Variants in AGAP6 observed in about 807,000 individuals in gnomAD.
The protein encoded by AGAP6 is arf-GAP with GTPase, ANK repeat and PH domain-containing protein 6.
A neutral mutation model predicts 63.9 loss-of-function variants in AGAP6; 29 were observed. The observed-to-expected ratio is 0.45, with a 90% CI of 0.34 to 0.62. The LOEUF is 0.62. Ranked by LOEUF, AGAP6 falls within the 20% of genes least tolerant of loss-of-function variation. The probability of loss-of-function intolerance (pLI) is 0.01; values close to 1 mark genes in which losing one functional copy is unlikely to be tolerated. For synonymous variants in AGAP6, 199 were observed against 332.9 expected (o/e 0.60, Z 4.38); for missense variants, 493 against 884.9 (o/e 0.56, Z 5.62).
intron 3 of AGAP6, 73 bp from the exon 4 acceptor site, chr10:49,994,322 T>C: frequency 1.4e-6 from 2 of 1,423,986 alleles, no homozygotes; most frequent in Non-Finnish European, 9.4e-7. Context: ...GAGTAATCAG[T>C]AAGATGTTAA....
intron 5 of AGAP6, among the ~76,000 whole-genome samples, chr10:50,004,069 C>G (rs1215007405): frequency 6.6e-6 from 1 of 152,132 alleles, no homozygotes; most frequent in Non-Finnish European, 1.5e-5. Flanking sequence ...CCTGTAATCC[C>G]AGCCACTTGG....
rs190636033 is a variant in AGAP6 at position 50,005,687 on chromosome 10, G to A, written c.533+967G>A. ...TGTAATCCCAGCATTTTGGGAGGCC[G>A]AGGTGGGTGGATCACTTGAGGTCAG... On this transcript the variant is annotated intron_variant, in intron 6 of 7. Transcript: ENST00000412531. 4.2e-3 allele frequency among the ~76,000 whole-genome samples: 642 copies of A among 151,808 alleles called. 1 individual carries two copies. The highest frequency in any genetic ancestry group is 8.3e-3 in the Admixed American group (127 of 15,236).
chr10:49,996,418 T>A (rs1446702764), intron 4 of AGAP6, among the ~76,000 whole-genome samples: 2 of 152,170 alleles, frequency 1.3e-5, no homozygotes, highest in East Asian at 3.8e-4. Context: ...GAAGCCTGAC[T>A]AGCTTTTCAT....
At chr10:50,003,964 A>T (rs1437548499) in intron 5 of AGAP6, among the ~76,000 whole-genome samples, 1 of 152,212 alleles carries the variant, frequency 6.6e-6, no homozygotes, top group South Asian at 2.1e-4. Flanking sequence ...AAAAAGTGCT[A>T]ATATTGTGTA....
rs782296974 is a variant in AGAP6 at position 49,991,778 on chromosome 10, G to T, written c.361+34G>T. On this transcript the variant is annotated intron_variant, in intron 3 of 7. Coordinates refer to ENST00000412531, the MANE Select transcript of AGAP6 (RefSeq NM_001077665.3). The stretch of plus-strand genomic sequence containing the variant: ...ACATTGTCTTTTCCACCAAGAGAAA[G>T]AATAAAAGCTCTTGTTTGATCAGGT... The T allele has an allele frequency of 4.4e-6, 7 of 1,597,378 alleles. No homozygotes were observed. In the East Asian group the frequency reaches 1.6e-4, roughly 36 times the overall value.
intron 2 of AGAP6, 97 bp from the exon 3 acceptor site, chr10:49,991,579 A>G (rs1247599074): frequency 6.7e-7 from 1 of 1,487,422 alleles, no homozygotes; most frequent in East Asian, 2.3e-5. Context: ...CAAAGTAGAG[A>G]TAGTGAAATA....
chr10:49,999,021 T>G (rs1305392999), intron 4 of AGAP6, among the ~76,000 whole-genome samples: 4 of 140,410 alleles, frequency 2.8e-5, no homozygotes, highest in Non-Finnish European at 6.0e-5. Flanking sequence ...AGACGGATCA[T>G]GAGGTCAGGA....
At chr10:50,005,955 C>T (rs550209172) in intron 6 of AGAP6, among the ~76,000 whole-genome samples, 2 of 148,884 alleles carry the variant, frequency 1.3e-5, no homozygotes, top group Admixed American at 6.7e-5. Context: ...ATGACCTAAC[C>T]TCATGCAAAT....
intron 5 of AGAP6, among the ~76,000 whole-genome samples, chr10:50,003,981 T>G (rs1841806797): frequency 6.6e-6 from 1 of 152,194 alleles, no homozygotes. Context: ...TGTAGACCTA[T>G]TAGTAGAATT....
Position 50,008,056 on chromosome 10 carries a change from G to T in AGAP6, c.565G>T (p.Glu189Ter). 6.2e-7 allele frequency: 1 copy of T among 1,611,946 alleles called. No homozygotes were observed. ...DADRTLSIPDEQLHSFAVSTV... is the reference protein window; with the variant it reads ...DADRTLSIPD Reference sequence around the variant, plus strand: ...AGATAGAACTTTGAGCATACCTGATGAACAGTTACACTCATTTGCGGTAAG... The same window carrying T: ...AGATAGAACTTTGAGCATACCTGATTAACAGTTACACTCATTTGCGGTAAG... The change falls in exon 7 of 8, where the codon GAA (glutamate) becomes TAA (stop). Residue 189 changes from glutamate to a stop codon, truncating the protein, a stop_gained. Transcript: ENST00000412531. LOFTEE classifies it high-confidence loss of function.
At position 49,990,473 on chromosome 10, in the gene AGAP6, G is replaced by A. The variant is rs533408675; in HGVS notation, c.292+1097G>A. On this transcript the variant is annotated intron_variant, in intron 2 of 7. Coordinates refer to ENST00000412531, the MANE Select transcript of AGAP6 (RefSeq NM_001077665.3). The stretch of plus-strand genomic sequence containing the variant: ...AAAATAAAAAGGAAAGAAAGTTGGA[G>A]TTTTTTAGTCTCTATGCTGTTGGCA... Among the ~76,000 whole-genome samples, 17 of 152,286 alleles carry A rather than the reference G, an allele frequency of 1.1e-4. No individual in the cohort carries two copies. In the South Asian group the frequency reaches 3.1e-3, roughly 28 times the overall value.
chr10:49,994,289 G>T, intron 3 of AGAP6, 106 bp from the exon 4 acceptor site: 1 of 1,212,922 alleles, frequency 8.2e-7, no homozygotes, highest in Admixed American at 2.9e-5. Flanking sequence ...TTTTTAAATG[G>T]AATTTTGTCT....
chr10:49,995,529 T>C (rs554930795), intron 4 of AGAP6, among the ~76,000 whole-genome samples: 3 of 152,232 alleles, frequency 2.0e-5, no homozygotes, highest in Non-Finnish European at 4.4e-5. Context: ...CATCTGTTTC[T>C]TTTTATGTGT....
intron 2 of AGAP6, among the ~76,000 whole-genome samples, chr10:49,991,384 G>T (rs1416751056): frequency 1.1e-3 from 121 of 113,964 alleles, no homozygotes; most frequent in East Asian, 2.1e-3. Flanking sequence ...TACCTCTTCT[G>T]TTTTTTTTTT....
chr10:50,004,185 AC>A (rs1841816585), intron 5 of AGAP6, among the ~76,000 whole-genome samples: 1 of 79,088 alleles, frequency 1.3e-5, no homozygotes, highest in African/African-American at 5.0e-5. Context: ...AACTCCACCC[AC>A]CCCACCCCCC....
At chr10:50,005,621 C>CA (rs1241965757) in intron 6 of AGAP6, among the ~76,000 whole-genome samples, 1 of 149,032 alleles carries the variant, frequency 6.7e-6, no homozygotes, top group Non-Finnish European at 1.5e-5. Context: ...AACAAACAAA[C>CA]AAAAAAAGCA....
chr10:50,009,306 C>G lies in AGAP6; in HGVS notation c.1181C>G (p.Ser394Cys). The G allele has an allele frequency of 1.2e-6, 2 of 1,614,166 alleles. No individual in the cohort carries two copies. Among genetic ancestry groups the G allele is most frequent in the Non-Finnish European group, 1.7e-6 (2 of 1,180,032 alleles). Reference sequence around the variant, plus strand: ...AGCCCCAAGCTCAACCCGCCCCCCTCTCCTCATGCTAATAAAAAGAAACAC... The same window carrying G: ...AGCCCCAAGCTCAACCCGCCCCCCTGTCCTCATGCTAATAAAAAGAAACAC... ...TTSPKLNPPP[S>C]PHANKKKHLK... Residue 394 changes from serine to cysteine, a missense_variant, in exon 8 of 8, where the codon TCT becomes TGT. Physicochemically the swap from Ser to Cys is moderately radical, Grantham distance 112. This residue lies in a region of AGAP6 where 342 missense variants were observed against 533.4 expected (regional missense o/e 0.64). Transcript: ENST00000412531.
rs1483771362 is a variant in AGAP6 at position 50,001,951 on chromosome 10, T to A, written c.397-45T>A. On this transcript the variant is annotated intron_variant, in intron 4 of 7. Coordinates refer to ENST00000412531, the MANE Select transcript of AGAP6 (RefSeq NM_001077665.3). ...TCATTTGACATTTTAACTGAGAAAA[T>A]AATACACTTTGATAAGTTTGACTTA... The A allele has an allele frequency of 4.4e-6, 7 of 1,605,728 alleles. No individual in the cohort carries two copies. In the Admixed American group the frequency reaches 5.0e-5, roughly 11 times the overall value.
At chr10:49,991,391 T>TTG (rs1440944315) in intron 2 of AGAP6, among the ~76,000 whole-genome samples, 1 of 149,078 alleles carries the variant, frequency 6.7e-6, no homozygotes, top group African/African-American at 2.5e-5. Flanking sequence ...TCTGTTTTTT[T>TTG]TTTTTTTTTT....
Sources: gnomAD v4.1 joint callset for allele counts (sites outside exome capture counted in the v4.1 genomes callset) on GRCh38, gnomAD v4.1.1 for gene constraint, gnomAD v4.1.1 regional missense constraint, MANE v1.5 for transcripts, NCBI Gene and HGNC (gene_info 2026-07-23, HGNC 2026-07-21) for gene names.